Variants in STK26 observed in about 807,000 individuals in gnomAD.
STK26 encodes serine/threonine kinase 26.
A neutral mutation model predicts 34.7 loss-of-function variants in STK26; 14 were observed. The ratio of observed to expected loss-of-function variants is 0.40; its 90% CI spans 0.27 to 0.63. The LOEUF (loss-of-function observed/expected upper bound fraction) is 0.63, where lower values mean the gene tolerates loss of function less well. Among genes scored for constraint, STK26 ranks in the 30% least tolerant of loss-of-function variants. The pLI, the probability that STK26 is intolerant of heterozygous loss-of-function variation, is 0.38. For missense variants in STK26, 226 were observed against 309.1 expected (o/e 0.73, Z 2.02); for synonymous variants, 100 against 109.8 (o/e 0.91, Z 0.56).
At chrX:132,073,705 A>G (rs773105833) in intron 11 of STK26, among the ~76,000 whole-genome samples, 27 of 112,235 alleles carry the variant, frequency 2.4e-4, no homozygotes, top group Middle Eastern at 4.6e-3. Context: ...AGCTCAAGCA[A>G]GCTATAAGGT....
At position 132,065,054 on chromosome X, in the gene STK26, G is replaced by C. The variant is rs184794167; in HGVS notation, c.330+1565G>C. On this transcript the variant is annotated intron_variant, in intron 4 of 11. Coordinates refer to ENST00000394334, the MANE Select transcript of STK26 (RefSeq NM_016542.4). The stretch of plus-strand genomic sequence containing the variant: ...CATCTACTACTAGGAATTCATGTCA[G>C]TTTAATCAGTTGCTGAATTTGGTAA... Among the ~76,000 whole-genome samples, 539 of 111,652 alleles carry C rather than the reference G, an allele frequency of 4.8e-3. 5 individuals are homozygous for C. The highest frequency in any genetic ancestry group is 8.0e-3 in the Non-Finnish European group (423 of 53,028).
chrX:132,026,333 T>C (rs950537250), intron 2 of STK26, among the ~76,000 whole-genome samples: 4 of 112,151 alleles, frequency 3.6e-5, no homozygotes, highest in African/African-American at 1.3e-4. Flanking sequence ...AAACTCATAT[T>C]GTTGATATTT....
At chrX:132,057,789 A>G (rs1369448671) in intron 3 of STK26, among the ~76,000 whole-genome samples, 1 of 112,052 alleles carries the variant, frequency 8.9e-6, no homozygotes, top group African/African-American at 3.3e-5. Flanking sequence ...CAGCCACTAT[A>G]TATTACACAC....
At chrX:132,036,623 T>G (rs1926061399) in intron 2 of STK26, among the ~76,000 whole-genome samples, 1 of 111,702 alleles carries the variant, frequency 9.0e-6, no homozygotes, top group South Asian at 3.7e-4. Flanking sequence ...TAAGCCGTAT[T>G]TAATTATCAC....
chrX:132,056,271 G>A (rs757937455), intron 3 of STK26, among the ~76,000 whole-genome samples: 2 of 111,871 alleles, frequency 1.8e-5, no homozygotes, highest in South Asian at 3.7e-4. Context: ...TAGAGCAATC[G>A]CCTCTTCCAG....
At chrX:132,028,849 G>T (rs925655467) in intron 2 of STK26, among the ~76,000 whole-genome samples, 1 of 111,898 alleles carries the variant, frequency 8.9e-6, no homozygotes, top group African/African-American at 3.3e-5. Context: ...CCAGAGTCCA[G>T]TATGTGGAGT....
At chrX:132,036,133 C>T (rs963943382) in intron 2 of STK26, among the ~76,000 whole-genome samples, 1 of 111,632 alleles carries the variant, frequency 9.0e-6, no homozygotes, top group Non-Finnish European at 1.9e-5. Context: ...AGGGCAACAC[C>T]AAACAATGTG....
At chrX:132,068,161 T>C (rs1927281337) in intron 4 of STK26, 54 bp from the exon 5 acceptor site, 1 of 997,350 alleles carries the variant, frequency 1.0e-6, no homozygotes, top group Non-Finnish European at 1.4e-6. Context: ...TTGAATTTTA[T>C]GTTTCCAAAC....
At chrX:132,072,247 T>C in intron 8 of STK26, 21 bp from the exon 9 acceptor site, 1 of 1,154,949 alleles carries the variant, frequency 8.7e-7, no homozygotes, top group Non-Finnish European at 1.2e-6. Context: ...CTTATAGAGG[T>C]ATCTTTGGCA....
chrX:132,071,251 G>T (rs1927405537), intron 8 of STK26, 34 bp downstream of exon 8: 8 of 1,181,331 alleles, frequency 6.8e-6, no homozygotes, highest in Non-Finnish European at 9.2e-6. Context: ...TATGTAGGCA[G>T]CCTATTTAAA....
intron 2 of STK26, among the ~76,000 whole-genome samples, chrX:132,048,498 C>T (rs1926576389): frequency 9.0e-6 from 1 of 111,671 alleles, no homozygotes; most frequent in Non-Finnish European, 1.9e-5. Context: ...AGGAGATCTG[C>T]GTTCAGATTT....
chrX:132,026,662 A>G (rs1351924050), intron 2 of STK26, among the ~76,000 whole-genome samples: 1 of 112,515 alleles, frequency 8.9e-6, no homozygotes, highest in Non-Finnish European at 1.9e-5. Context: ...TTCATTTAGA[A>G]TATTGTTGAT....
intron 2 of STK26, 71 bp downstream of exon 2, chrX:132,023,730 C>A: frequency 8.9e-7 from 1 of 1,120,698 alleles, no homozygotes; most frequent in Non-Finnish European, 1.2e-6. Context: ...CGGTGCTGGG[C>A]ACCGGCGACA....
At chrX:132,067,409 G>A (rs1208592984) in intron 4 of STK26, among the ~76,000 whole-genome samples, 1 of 111,108 alleles carries the variant, frequency 9.0e-6, no homozygotes, top group Admixed American at 9.6e-5. Flanking sequence ...ATATTGTACA[G>A]TCCACTGTTT....
intron 2 of STK26, among the ~76,000 whole-genome samples, chrX:132,029,069 C>A (rs1925726830): frequency 9.0e-6 from 1 of 111,717 alleles, no homozygotes; most frequent in Non-Finnish European, 1.9e-5. Context: ...TTAGTTAGAA[C>A]TTTTGACACT....
chrX:132,068,238 G>A lies in STK26; in HGVS notation c.354G>A (p.Glu118=). 8.3e-7 allele frequency: 1 copy of A among 1,206,253 alleles called. No homozygotes were observed. The highest frequency in any genetic ancestry group is 1.1e-6 in the Non-Finnish European group (1 of 893,079). ...LDLLRAGPFD[E]FQIATMLKEI... ...AGCTTCGAGCTGGTCCATTTGATGA[G>A]TTCCAGATTGCTACCATGCTAAAGG... Residue 118 remains glutamate, a synonymous_variant, in exon 5 of 12, where the codon GAG becomes GAA. Transcript: ENST00000394334.
At chrX:132,027,394 G>A (rs1350353727) in intron 2 of STK26, among the ~76,000 whole-genome samples, 1 of 112,294 alleles carries the variant, frequency 8.9e-6, no homozygotes, top group African/African-American at 3.2e-5. Context: ...TTTAAGGTAG[G>A]CTAAGCTATG....
At chrX:132,035,355 A>G (rs914957886) in intron 2 of STK26, among the ~76,000 whole-genome samples, 5 of 111,516 alleles carry the variant, frequency 4.5e-5, no homozygotes, top group Admixed American at 2.8e-4. Context: ...TCATCATTAT[A>G]TAGTTATCAT....
chrX:132,048,265 T>G (rs73237340), intron 2 of STK26, among the ~76,000 whole-genome samples: 1,371 of 111,853 alleles, frequency 0.012, 11 homozygotes, highest in Middle Eastern at 0.075. Context: ...TAATAAAAAT[T>G]ATATCAGTTT....
Sources: gnomAD v4.1 joint callset for allele counts (sites outside exome capture counted in the v4.1 genomes callset) on GRCh38, gnomAD v4.1.1 for gene constraint, MANE v1.5 for transcripts, NCBI Gene and HGNC (gene_info 2026-07-23, HGNC 2026-07-21) for gene names.